Variants in TOM1L2 observed in about 807,000 individuals in gnomAD.
The protein encoded by TOM1L2 is target of myb1 like 2 membrane trafficking protein.
A neutral mutation model predicts 67.9 loss-of-function variants in TOM1L2; 31 were observed. The ratio of observed to expected loss-of-function variants is 0.46; its 90% confidence interval spans 0.34 to 0.62. The LOEUF is 0.62. Ranked by LOEUF, TOM1L2 falls within the 20% of genes least tolerant of loss-of-function variation. The pLI is 0.01. For missense variants in TOM1L2, 606 were observed against 663.5 expected (o/e 0.91, Z 0.95); for synonymous variants, 256 against 254.0 (o/e 1.01, Z -0.07).
chr17:17,879,277 G>C (rs1268241557), intron 7 of TOM1L2, among the ~76,000 whole-genome samples: 1 of 152,164 alleles, frequency 6.6e-6, no homozygotes, highest in Non-Finnish European at 1.5e-5. Context: ...AAAAAAGTCA[G>C]AAAGAAAATA....
At chr17:17,854,484 G>GTTTTAT (rs200653624) in intron 12 of TOM1L2, among the ~76,000 whole-genome samples, 1 of 151,850 alleles carries the variant, frequency 6.6e-6, no homozygotes, top group Non-Finnish European at 1.5e-5. Context: ...ATGTGTCATA[G>GTTTTAT]TTTTATTTTT....
intron 1 of TOM1L2, among the ~76,000 whole-genome samples, chr17:17,963,499 G>T (rs954960159): frequency 6.6e-6 from 1 of 152,190 alleles, no homozygotes; most frequent in African/African-American, 2.4e-5. Context: ...CCTTGGGCAA[G>T]TTTCTGAACC....
intron 1 of TOM1L2, among the ~76,000 whole-genome samples, chr17:17,939,694 A>G (rs1032088262): frequency 1.3e-5 from 2 of 152,216 alleles, no homozygotes; most frequent in Non-Finnish European, 2.9e-5. Flanking sequence ...CTATAACACA[A>G]AGTTTAAAAA....
chr17:17,843,582 G>A lies in TOM1L2; in HGVS notation c.*4053C>T, dbSNP rs1206266454. On this transcript the variant is annotated 3_prime_UTR_variant, in exon 15 of 15. Coordinates refer to ENST00000379504, the MANE Select transcript of TOM1L2 (RefSeq NM_001082968.2). Reference sequence around the variant, plus strand: ...CCAATTAGAGAGAGGGTATCTGGAAGGAGGGCCAGTGGGGTGGATGGATGC... The same window carrying A: ...CCAATTAGAGAGAGGGTATCTGGAAAGAGGGCCAGTGGGGTGGATGGATGC... 2 of 152,250 alleles carry A rather than the reference G, an allele frequency of 1.3e-5. No homozygotes were observed. The highest frequency in any genetic ancestry group is 2.9e-5 in the Non-Finnish European group (2 of 68,048). The allele number at this position is 152,250 out of a possible 1,614,324, so 9.4% of individuals were successfully genotyped here.
chr17:17,945,346 T>A (rs531207972), intron 1 of TOM1L2, among the ~76,000 whole-genome samples: 9 of 152,156 alleles, frequency 5.9e-5, no homozygotes, highest in Admixed American at 2.0e-4. Context: ...ACATTAAAAA[T>A]ATATATATGG....
At chr17:17,921,009 C>T (rs1030437006) in intron 1 of TOM1L2, among the ~76,000 whole-genome samples, 3 of 152,216 alleles carry the variant, frequency 2.0e-5, no homozygotes, top group Non-Finnish European at 2.9e-5. Context: ...ATTAACTGAA[C>T]TCCAGATGTT....
chr17:17,853,946 T>C (rs920338867), intron 12 of TOM1L2, among the ~76,000 whole-genome samples: 6 of 152,262 alleles, frequency 3.9e-5, no homozygotes, highest in African/African-American at 1.4e-4. Context: ...AACTTTCAGG[T>C]TGGTGCTTCT....
chr17:17,957,667 A>T (rs2041514274), intron 1 of TOM1L2, among the ~76,000 whole-genome samples: 2 of 151,048 alleles, frequency 1.3e-5, no homozygotes, highest in African/African-American at 4.9e-5. Flanking sequence ...TATATATAAA[A>T]TATGTATATG....
At chr17:17,909,572 G>C (rs1298942127) in intron 1 of TOM1L2, among the ~76,000 whole-genome samples, 3 of 149,908 alleles carry the variant, frequency 2.0e-5, no homozygotes, top group Non-Finnish European at 4.4e-5. Context: ...GTAGAATGGT[G>C]GTTGCCAGAG....
Position 17,913,258 on chromosome 17 carries a change from C to CGG in TOM1L2, c.53-5729_53-5728dup, listed in dbSNP as rs2039484227. ...GGAGACGGGGGAGACCGTGGGGAGACGGGAGAGGGAGAGGGAGAGGGAGAG... is the reference window on the plus strand; with the variant it reads ...GGAGACGGGGGAGACCGTGGGGAGACGGGGGAGAGGGAGAGGGAGAGGGAGAG... On this transcript the variant is annotated intron_variant, in intron 1 of 14. Coordinates refer to ENST00000379504, the MANE Select transcript of TOM1L2 (RefSeq NM_001082968.2). Among the ~76,000 whole-genome samples, 27 of 143,264 alleles carry CGG rather than the reference C, an allele frequency of 1.9e-4. No individual in the cohort carries two copies. In the South Asian group the frequency reaches 4.2e-3, roughly 22 times the overall value. The allele number at this position is 143,264 out of a possible 152,430, so 94.0% of individuals were successfully genotyped here.
chr17:17,955,550 A>G (rs1249128359), intron 1 of TOM1L2, among the ~76,000 whole-genome samples: 6 of 152,078 alleles, frequency 3.9e-5, no homozygotes, highest in Non-Finnish European at 7.4e-5. Flanking sequence ...CATATTGGCC[A>G]GGACAGTCTT....
At chr17:17,866,829 G>A (rs1364224427) in intron 9 of TOM1L2, 47 bp downstream of exon 9, 2 of 1,561,810 alleles carry the variant, frequency 1.3e-6, no homozygotes, top group East Asian at 2.2e-5. Context: ...AACGTGGAGG[G>A]GTAGGTCTGG....
At chr17:17,876,206 T>C (rs1177821728) in intron 7 of TOM1L2, among the ~76,000 whole-genome samples, 1 of 152,218 alleles carries the variant, frequency 6.6e-6, no homozygotes, top group African/African-American at 2.4e-5. Context: ...GCATGCACTT[T>C]AGCAGGGACA....
At chr17:17,950,624 A>G (rs2041161777) in intron 1 of TOM1L2, among the ~76,000 whole-genome samples, 2 of 152,210 alleles carry the variant, frequency 1.3e-5, no homozygotes, top group African/African-American at 2.4e-5. Context: ...GGCAGACAAC[A>G]GGATCCTGCT....
chr17:17,850,318 G>A (rs1179016044), intron 13 of TOM1L2, among the ~76,000 whole-genome samples: 1 of 152,126 alleles, frequency 6.6e-6, no homozygotes, highest in Non-Finnish European at 1.5e-5. Flanking sequence ...GGGACCTGTT[G>A]CCATTTTCAG....
chr17:17,944,148 G>A (rs533221603), intron 1 of TOM1L2, among the ~76,000 whole-genome samples: 8 of 152,350 alleles, frequency 5.3e-5, no homozygotes, highest in Non-Finnish European at 8.8e-5. Flanking sequence ...CACTACTAGC[G>A]ACATAAATAA....
At chr17:17,929,545 C>T (rs1169050820) in intron 1 of TOM1L2, among the ~76,000 whole-genome samples, 2 of 152,054 alleles carry the variant, frequency 1.3e-5, no homozygotes, top group African/African-American at 4.8e-5. Context: ...GCAGGAGAAT[C>T]GCTTGAACCC....
At position 17,847,589 on chromosome 17, in the gene TOM1L2, G is replaced by A. The variant is rs774487903; in HGVS notation, c.*46C>T. On this transcript the variant is annotated 3_prime_UTR_variant, in exon 15 of 15. Coordinates refer to ENST00000379504, the MANE Select transcript of TOM1L2 (RefSeq NM_001082968.2). ...GTGGCCAGTGCCCGGTGTCCACGGG[G>A]TGCGAGCGGGGACCCGCCATCTGGG... 9.6e-6 allele frequency: 15 copies of A among 1,564,494 alleles called. No individual in the cohort carries two copies. In the African/African-American group the frequency reaches 1.8e-4, roughly 18 times the overall value.
intron 10 of TOM1L2, 55 bp from the exon 11 acceptor site, chr17:17,862,903 C>G (rs1349839677): frequency 1.6e-6 from 2 of 1,230,502 alleles, no homozygotes; most frequent in Admixed American, 4.0e-5. Flanking sequence ...GACTGTAGAT[C>G]TGATGAAGGG....
Sources: allele counts gnomAD v4.1 joint callset (sites outside exome capture counted in the v4.1 genomes callset), GRCh38; gene constraint gnomAD v4.1.1; transcripts MANE v1.5; gene names NCBI Gene and HGNC (gene_info 2026-07-23, HGNC 2026-07-21).